CAST: variants seen among roughly 807,000 people sequenced by gnomAD.
CAST encodes the protein calpastatin, also known as MIR583 host.
A neutral mutation model predicts 119.6 loss-of-function variants in CAST; 76 were observed. That is an observed-to-expected ratio of 0.64 (90% CI 0.53 to 0.77). CAST has a LOEUF of 0.77. Ranked by LOEUF, CAST falls within the 30% of genes least tolerant of loss-of-function variation. CAST has a pLI of 0.00. For missense variants in CAST, 953 were observed against 946.5 expected, an observed-to-expected ratio of 1.01 and a Z score of -0.09; for synonymous variants, 319 against 331.6, an observed-to-expected ratio of 0.96 and a Z score of 0.41.
chr5:96,397,616 A>T, the CAST span: 1 of 702,572 alleles, frequency 1.4e-6, no homozygotes. Context: ...AGACACTCAC[A>T]AGGAAAAAAT....
the CAST span, among the ~76,000 whole-genome samples, chr5:96,209,929 G>A: frequency 2.0e-5 from 3 of 151,608 alleles, no homozygotes; most frequent in Admixed American, 1.3e-4. Flanking sequence ...ATGTTTCCAA[G>A]TTGCTTATTT....
chr5:96,087,702 A>C, the CAST span, among the ~76,000 whole-genome samples: 2 of 152,336 alleles, frequency 1.3e-5, no homozygotes, highest in Non-Finnish European at 2.9e-5. Context: ...ATGGTACTTG[A>C]GAGTGAATTA....
chr5:96,707,403 T>C (rs1211973448), intron 3 of CAST, among the ~76,000 whole-genome samples: 2 of 152,148 alleles, frequency 1.3e-5, no homozygotes, highest in Non-Finnish European at 2.9e-5. Context: ...TTTTTTTTTT[T>C]TGAGACAGAG....
the CAST span, among the ~76,000 whole-genome samples, chr5:96,060,634 G>A: frequency 3.3e-5 from 5 of 151,984 alleles, no homozygotes; most frequent in Non-Finnish European, 7.4e-5. Context: ...CTCTGAGTAG[G>A]GCCCATAGCA....
chr5:96,310,574 T>TTA, the CAST span, among the ~76,000 whole-genome samples: 37 of 150,214 alleles, frequency 2.5e-4, no homozygotes, highest in East Asian at 7.8e-4. Flanking sequence ...TTTTTTTTTT[T>TTA]AAATGGGAGA....
At chr5:96,575,920 G>A (rs1053299370) in intron 1 of CAST, among the ~76,000 whole-genome samples, 10 of 152,088 alleles carry the variant, frequency 6.6e-5, no homozygotes, top group African/African-American at 2.4e-4. Flanking sequence ...TAGGGATACT[G>A]CACCAGGCTT....
At chr5:96,441,194 G>A in the CAST span, among the ~76,000 whole-genome samples, 1 of 152,152 alleles carries the variant, frequency 6.6e-6, no homozygotes, top group African/African-American at 2.4e-5. Context: ...ACACAAGTTT[G>A]TCAAATTCTG....
intron 1 of CAST, among the ~76,000 whole-genome samples, chr5:96,537,287 G>A (rs1745838478): frequency 6.6e-6 from 1 of 152,170 alleles, no homozygotes; most frequent in South Asian, 2.1e-4. Flanking sequence ...TTTACCAAAA[G>A]ATATAAAACC....
the CAST span, among the ~76,000 whole-genome samples, chr5:96,176,487 G>A: frequency 6.6e-6 from 1 of 152,174 alleles, no homozygotes; most frequent in Non-Finnish European, 1.5e-5. Flanking sequence ...AGGGGGCAAG[G>A]TAGATAGCAA....
the CAST span, among the ~76,000 whole-genome samples, chr5:96,497,432 C>G: frequency 6.6e-6 from 1 of 152,112 alleles, no homozygotes. Flanking sequence ...TGAGGAATCG[C>G]CACACTGACT....
chr5:96,446,113 C>G, the CAST span, among the ~76,000 whole-genome samples: 11 of 150,558 alleles, frequency 7.3e-5, no homozygotes, highest in Non-Finnish European at 1.5e-4. Flanking sequence ...TATAGTGACT[C>G]TCTTTAAAGT....
chr5:96,572,710 G>A (rs1329039994), intron 1 of CAST, among the ~76,000 whole-genome samples: 1 of 152,042 alleles, frequency 6.6e-6, no homozygotes, highest in East Asian at 1.9e-4. Context: ...AACAAGACTC[G>A]CCTGGGTCCC....
chr5:96,545,558 A>G (rs781600317), intron 1 of CAST, among the ~76,000 whole-genome samples: 13 of 152,186 alleles, frequency 8.5e-5, no homozygotes, highest in Non-Finnish European at 2.9e-5. Flanking sequence ...TGTGCCACCA[A>G]GTGATTTGCC....
chr5:96,457,291 C>T, the CAST span, among the ~76,000 whole-genome samples: 16 of 152,216 alleles, frequency 1.1e-4, no homozygotes, highest in South Asian at 1.5e-3. Flanking sequence ...TTTAAACTAC[C>T]GAAACAACAC....
chr5:96,531,254 C>G (rs1040933565), intron 1 of CAST, among the ~76,000 whole-genome samples: 5 of 152,166 alleles, frequency 3.3e-5, no homozygotes, highest in African/African-American at 1.2e-4. Context: ...ATAGGGGTGG[C>G]AGGCTTAAGA....
the CAST span, among the ~76,000 whole-genome samples, chr5:96,333,290 T>C: frequency 2.0e-5 from 3 of 152,022 alleles, no homozygotes; most frequent in African/African-American, 7.2e-5. Context: ...AGGGAGGCTT[T>C]TGCTGTTTTC....
At chr5:96,316,382 C>T in the CAST span, among the ~76,000 whole-genome samples, 4 of 152,130 alleles carry the variant, frequency 2.6e-5, no homozygotes, top group Non-Finnish European at 5.9e-5. Context: ...GTCCTAAACT[C>T]CCCAGATGCC....
At chr5:96,114,217 G>A in the CAST span, among the ~76,000 whole-genome samples, 1 of 152,230 alleles carries the variant, frequency 6.6e-6, no homozygotes, top group African/African-American at 2.4e-5. Flanking sequence ...GATAGTAGAA[G>A]CAGAGAAGAA....
intron 1 of CAST, among the ~76,000 whole-genome samples, chr5:96,593,592 A>G (rs1474705700): frequency 6.6e-6 from 1 of 152,248 alleles, no homozygotes; most frequent in African/African-American, 2.4e-5. Flanking sequence ...AATGGACTGA[A>G]TGAGCAGAAG....
Sources: allele counts gnomAD v4.1 joint callset (sites outside exome capture counted in the v4.1 genomes callset), GRCh38; gene constraint gnomAD v4.1.1; transcripts MANE v1.5; gene names NCBI Gene and HGNC (gene_info 2026-07-23, HGNC 2026-07-21).